The following COP1 variants were observed in gnomAD, a reference collection of about 807,000 sequenced individuals.
COP1 encodes COP1 E3 ubiquitin ligase, also known as E3 ubiquitin-protein ligase COP1.
In COP1, 24 loss-of-function variants were observed where a neutral mutation model predicts 101.3. The observed-to-expected ratio is 0.24, with a 90% confidence interval of 0.17 to 0.33. COP1 has a LOEUF of 0.33. Among genes scored for constraint, COP1 ranks in the 10% least tolerant of loss-of-function variants. The probability of loss-of-function intolerance (pLI) is 1.00; values close to 1 mark genes in which losing one functional copy is unlikely to be tolerated. For missense variants in COP1, 663 were observed against 906.2 expected, an observed-to-expected ratio of 0.73 and a Z score of 3.45; for synonymous variants, 347 against 341.9, an observed-to-expected ratio of 1.01 and a Z score of -0.17.
At chr1:175,992,603 C>A (rs553802292) in intron 15 of COP1, among the ~76,000 whole-genome samples, 3 of 152,256 alleles carry the variant, frequency 2.0e-5, no homozygotes, top group Non-Finnish European at 4.4e-5. Context: ...TATCCCGCAC[C>A]TGGCTCGGAG....
In COP1 at chr1:176,043,908, T is replaced by A. The variant is rs1366496677; in HGVS notation, c.1422-90A>T. 7.8e-6 allele frequency: 6 copies of A among 771,462 alleles called. No individual in the cohort carries two copies. In the East Asian group the frequency reaches 1.5e-4, roughly 19 times the overall value. 47.8% of individuals were successfully genotyped at this position (771,462 alleles called of 1,614,324 possible). On this transcript the variant is annotated intron_variant, in intron 12 of 19. Coordinates refer to ENST00000367669, the MANE Select transcript of COP1 (RefSeq NM_022457.7). ...TTAATGTGTTCAGAAAGATTTGCAC[T>A]ATTTTAAAATGGTCTCTATCAGTTC...
chr1:176,089,326 C>CAACAAT (rs1252729683), intron 9 of COP1, among the ~76,000 whole-genome samples: 2 of 151,878 alleles, frequency 1.3e-5, no homozygotes, highest in East Asian at 1.9e-4. Context: ...ACAACAACAA[C>CAACAAT]AATCTATTTA....
intron 9 of COP1, among the ~76,000 whole-genome samples, chr1:176,111,011 G>A (rs1023042086): frequency 6.6e-6 from 1 of 152,072 alleles, no homozygotes; most frequent in African/African-American, 2.4e-5. Context: ...AATTAGCTGG[G>A]TGTGGTGGTG....
chr1:176,181,812 C>G (rs1322323422), intron 2 of COP1, among the ~76,000 whole-genome samples: 5 of 151,410 alleles, frequency 3.3e-5, no homozygotes, highest in Non-Finnish European at 7.4e-5. Flanking sequence ...CACTGCACTC[C>G]AGCCTGGTGA....
At chr1:176,142,758 T>G (rs1477646249) in intron 6 of COP1, among the ~76,000 whole-genome samples, 1 of 151,932 alleles carries the variant, frequency 6.6e-6, no homozygotes, top group Non-Finnish European at 1.5e-5. Context: ...AATAAGACAT[T>G]TGTTTCTAAA....
chr1:175,951,453 TATATATATAAAA>T (rs1649897466), intron 18 of COP1, among the ~76,000 whole-genome samples: 1 of 96,594 alleles, frequency 1.0e-5, no homozygotes, highest in South Asian at 3.2e-4. Context: ...TATATATATA[TATATATATAAAA>T]ACTTCCATTT....
chr1:176,053,376 C>A lies in COP1; in HGVS notation c.1278-7052G>T, dbSNP rs1443170687. Among the ~76,000 whole-genome samples the A allele has an allele frequency of 2.6e-5, 4 of 152,128 alleles. No individual in the cohort carries two copies. In the East Asian group the frequency reaches 7.7e-4, roughly 29 times the overall value. ...CAAAATCTCCTGTAACATATACCAC[C>A]CAATATGTGTCCTTGATGCTCCTCT... On this transcript the variant is annotated intron_variant, in intron 11 of 19. Coordinates refer to ENST00000367669, the MANE Select transcript of COP1 (RefSeq NM_022457.7).
At position 176,097,916 on chromosome 1, in the gene COP1, A is replaced by G. The variant is rs1210186578; in HGVS notation, c.1027-12026T>C. ...CTAATTAATTGGCCTAAAGGAAGAT[A>G]AACACTTTGATCAAATGTTTTTTAA... On this transcript the variant is annotated intron_variant, in intron 9 of 19. Coordinates refer to ENST00000367669, the MANE Select transcript of COP1 (RefSeq NM_022457.7). Among the ~76,000 whole-genome samples the G allele has an allele frequency of 2.0e-5, 3 of 151,972 alleles. No individual in the cohort carries two copies. In the East Asian group the frequency reaches 5.8e-4, roughly 29 times the overall value.
chr1:176,001,316 C>T (rs1167085484), intron 15 of COP1, among the ~76,000 whole-genome samples: 1 of 152,062 alleles, frequency 6.6e-6, no homozygotes, highest in African/African-American at 2.4e-5. Flanking sequence ...TATTTGAGTA[C>T]GATGTTAACA....
intron 9 of COP1, among the ~76,000 whole-genome samples, chr1:176,091,165 C>G (rs1164085611): frequency 2.0e-5 from 3 of 151,942 alleles, no homozygotes; most frequent in Non-Finnish European, 4.4e-5. Flanking sequence ...ACATCATAAA[C>G]AAAAATGAAG....
intron 15 of COP1, among the ~76,000 whole-genome samples, chr1:176,012,144 T>C (rs1664796895): frequency 6.6e-6 from 1 of 152,216 alleles, no homozygotes; most frequent in Non-Finnish European, 1.5e-5. Context: ...ACACTGTGCC[T>C]ATGAATAGCC....
rs1432514228 is a variant in COP1 at position 176,046,266 on chromosome 1, T to G, written c.1336A>C (p.Lys446Gln). Residue 446 changes from lysine to glutamine, a missense_variant, in exon 12 of 20, where the codon AAA (lysine) becomes CAA (glutamine). Physicochemically the swap from Lys to Gln is moderately conservative, Grantham distance 53 (BLOSUM62 1). Around this residue, in one of 4 missense-constraint regions of COP1, gnomAD observed 209 missense variants for 383.3 expected, o/e 0.55. Transcript: ENST00000367669. ...ATGACAGTGTCATATTCATAGACTT[T>G]AATCTTCTTTGTAACTCCAGCAATC... ...FAIAGVTKKI[K>Q]VYEYDTVIQD... is the part of the protein sequence containing the mutation. The G allele has an allele frequency of 2.5e-6, 4 of 1,611,000 alleles. No homozygotes were observed. The highest frequency in any genetic ancestry group is 8.5e-7 in the Non-Finnish European group (1 of 1,178,662).
chr1:176,122,094 C>T (rs529754820), intron 8 of COP1, among the ~76,000 whole-genome samples: 5 of 147,910 alleles, frequency 3.4e-5, no homozygotes, highest in Non-Finnish European at 5.9e-5. Context: ...AAGCCGAGAT[C>T]GCGCCACTGC....
rs150240568 is a variant in COP1, at chr1:176,000,385, G to C, written c.1730-10906C>G. The stretch of plus-strand genomic sequence containing the variant: ...TTTCTCCAGTGTATGTTCTTGGCAA[G>C]TTTGTCAAAAATGAGTTCACTGTAG... On this transcript the variant is annotated intron_variant, in intron 15 of 19. Transcript: ENST00000367669. Among the ~76,000 whole-genome samples, 399 of 152,130 alleles carry C rather than the reference G, an allele frequency of 2.6e-3. 3 individuals are homozygous for C. The highest frequency in any genetic ancestry group is 9.2e-3 in the African/African-American group (381 of 41,528).
chr1:176,020,535 A>G (rs1005196490), intron 15 of COP1, among the ~76,000 whole-genome samples: 2 of 151,984 alleles, frequency 1.3e-5, no homozygotes, highest in Non-Finnish European at 2.9e-5. Flanking sequence ...AAGATTAGCC[A>G]GGCGAGGTAG....
rs575354354 is a variant in COP1, at chr1:175,988,173, T to C, written c.1972+115A>G. ...TGCTGGGGCATCATGTCTATTATAC[T>C]ATCTTCTGAGTGCACAGACCATTTC... On this transcript the variant is annotated intron_variant, in intron 17 of 19. Transcript: ENST00000367669. The C allele has an allele frequency of 3.1e-6, 3 of 959,340 alleles. No individual in the cohort carries two copies. In the South Asian group the frequency reaches 5.7e-5, roughly 18 times the overall value. The allele number at this position is 959,340 out of a possible 1,614,324, so 59.4% of individuals were successfully genotyped here.
chr1:176,152,153 T>C (rs933146102), intron 5 of COP1, among the ~76,000 whole-genome samples: 5 of 152,038 alleles, frequency 3.3e-5, no homozygotes, highest in Admixed American at 6.6e-5. Flanking sequence ...TAGCTGGGCA[T>C]AGTGGCATGT....
chr1:176,158,630 CTTTTTTTTT>C (rs35518162), intron 5 of COP1, among the ~76,000 whole-genome samples: 2 of 79,314 alleles, frequency 2.5e-5, no homozygotes, highest in Admixed American at 2.1e-4. Context: ...TTTTAAGGTT[CTTTTTTTTT>C]TTTTTTTTTT....
chr1:175,955,246 A>T (rs767864673), intron 18 of COP1, among the ~76,000 whole-genome samples: 1 of 152,180 alleles, frequency 6.6e-6, no homozygotes, highest in Non-Finnish European at 1.5e-5. Flanking sequence ...CTGCCTCAAA[A>T]CAAAAAAAAG....
Sources: allele counts gnomAD v4.1 joint callset (sites outside exome capture counted in the v4.1 genomes callset), GRCh38; gene constraint gnomAD v4.1.1; regional missense constraint gnomAD v4.1.1; transcripts MANE v1.5; gene names NCBI Gene and HGNC (gene_info 2026-07-23, HGNC 2026-07-21).